FHIT: variants seen among roughly 807,000 people sequenced by gnomAD.
The protein encoded by FHIT is fragile histidine triad diadenosine triphosphatase.
A neutral mutation model predicts 17.9 loss-of-function variants in FHIT; 19 were observed. The observed-to-expected ratio is 1.06, with a 90% CI of 0.74 to 1.56. The LOEUF is 1.56. Ranked by LOEUF, FHIT falls within the 40% of genes most tolerant of loss-of-function variation. FHIT has a pLI of 0.00. For synonymous variants in FHIT, 81 were observed against 69.7 expected (o/e 1.16, Z -0.81); for missense variants, 248 against 189.2 (o/e 1.31, Z -1.82).
chr3:60,272,261 A>G (rs986974959), intron 5 of FHIT, among the ~76,000 whole-genome samples: 6 of 152,236 alleles, frequency 3.9e-5, no homozygotes. Flanking sequence ...TTTAACAAGT[A>G]TGTCTAGAAA....
Position 60,673,574 on chromosome 3 carries a change from T to C in FHIT, c.-17-136595A>G, listed in dbSNP as rs144454787. ...CATCAGGATAAATAGCTAATGCATG[T>C]GTGGCTTAATACCTAGGTGATGGTT... On this transcript the variant is annotated intron_variant, in intron 4 of 9. Coordinates refer to ENST00000492590, the MANE Select transcript of FHIT (RefSeq NM_002012.4). Among the ~76,000 whole-genome samples the C allele has an allele frequency of 2.3e-3, 354 of 152,224 alleles. 1 individual carries two copies. The highest frequency in any genetic ancestry group is 8.0e-3 in the African/African-American group (334 of 41,524).
intron 7 of FHIT, among the ~76,000 whole-genome samples, chr3:59,966,119 C>G (rs1320617614): frequency 1.3e-5 from 2 of 152,160 alleles, no homozygotes; most frequent in African/African-American, 4.8e-5. Context: ...CTTTTTGGAG[C>G]CTGTGAAGAA....
intron 4 of FHIT, among the ~76,000 whole-genome samples, chr3:60,614,819 T>G (rs2038898584): frequency 8.7e-6 from 1 of 114,410 alleles, no homozygotes; most frequent in South Asian, 2.8e-4. Context: ...GTTTTTTTTT[T>G]GTTTTTTTTT....
intron 5 of FHIT, among the ~76,000 whole-genome samples, chr3:60,148,568 G>A (rs1214386726): frequency 6.6e-6 from 1 of 152,098 alleles, no homozygotes; most frequent in African/African-American, 2.4e-5. Flanking sequence ...GATGTGTTAA[G>A]GGAGATTTAC....
intron 3 of FHIT, among the ~76,000 whole-genome samples, chr3:60,842,643 ATATTT>A (rs1559764322): frequency 5.4e-4 from 26 of 48,206 alleles, no homozygotes; most frequent in African/African-American, 1.5e-3. Context: ...ATATATATAT[ATATTT>A]TTTTTTTTTT....
At chr3:61,246,266 A>C (rs1451093009) in intron 1 of FHIT, among the ~76,000 whole-genome samples, 1 of 152,072 alleles carries the variant, frequency 6.6e-6, no homozygotes, top group African/African-American at 2.4e-5. Flanking sequence ...TTATTCCTTT[A>C]CTTTCTTAAT....
At chr3:60,111,870 C>A (rs74970460) in intron 5 of FHIT, among the ~76,000 whole-genome samples, 2 of 152,144 alleles carry the variant, frequency 1.3e-5, no homozygotes, top group Non-Finnish European at 2.9e-5. Context: ...CTAAGAGACA[C>A]CTCAAATTAA....
At chr3:61,049,944 T>G (rs2033964559) in intron 2 of FHIT, among the ~76,000 whole-genome samples, 1 of 152,126 alleles carries the variant, frequency 6.6e-6, no homozygotes, top group Non-Finnish European at 1.5e-5. Flanking sequence ...GAGAAGAAGC[T>G]GAACAAACAG....
intron 8 of FHIT, among the ~76,000 whole-genome samples, chr3:59,763,692 CA>C (rs1701644322): frequency 6.6e-6 from 1 of 152,100 alleles, no homozygotes; most frequent in Non-Finnish European, 1.5e-5. Context: ...CTACCTGAGA[CA>C]ATATGGTCAG....
chr3:60,377,247 G>A (rs569566279), intron 5 of FHIT, among the ~76,000 whole-genome samples: 24 of 150,668 alleles, frequency 1.6e-4, no homozygotes, highest in African/African-American at 3.9e-4. Context: ...GTCCCAGGCC[G>A]GAGTGCAGTG....
intron 3 of FHIT, among the ~76,000 whole-genome samples, chr3:60,963,574 T>G (rs561852989): frequency 1.3e-5 from 2 of 152,328 alleles, no homozygotes; most frequent in African/African-American, 4.8e-5. Context: ...TTTAGTGCTA[T>G]AAATTTCCCT....
chr3:61,031,504 T>A (rs1575872413), intron 3 of FHIT, among the ~76,000 whole-genome samples: 1 of 152,170 alleles, frequency 6.6e-6, no homozygotes, highest in African/African-American at 2.4e-5. Context: ...TTAAATAGTT[T>A]CAATTTTTTC....
At chr3:61,218,550 T>C (rs1209713285) in intron 1 of FHIT, among the ~76,000 whole-genome samples, 2 of 151,778 alleles carry the variant, frequency 1.3e-5, no homozygotes, top group Non-Finnish European at 2.9e-5. Context: ...GTTTGTATAG[T>C]TTTTAAACAG....
chr3:61,162,713 A>G (rs2037732085), intron 2 of FHIT, among the ~76,000 whole-genome samples: 2 of 152,224 alleles, frequency 1.3e-5, no homozygotes, highest in Admixed American at 6.5e-5. Context: ...TCAACTCTGT[A>G]AATTATAGAT....
chr3:61,014,795 A>ATAT (rs1320038721), intron 3 of FHIT, among the ~76,000 whole-genome samples: 17 of 85,448 alleles, frequency 2.0e-4, no homozygotes, highest in Non-Finnish European at 3.5e-4. Context: ...AAAAAAAAAA[A>ATAT]AAAAAAAAAA....
intron 5 of FHIT, among the ~76,000 whole-genome samples, chr3:60,292,545 T>G (rs1422525595): frequency 6.6e-6 from 1 of 152,184 alleles, no homozygotes; most frequent in African/African-American, 2.4e-5. Flanking sequence ...AAGAAAGCCT[T>G]AGAAGCCAGG....
chr3:60,085,626 T>C (rs1239694936), intron 5 of FHIT, among the ~76,000 whole-genome samples: 1 of 152,208 alleles, frequency 6.6e-6, no homozygotes, highest in Non-Finnish European at 1.5e-5. Flanking sequence ...CAGAACCTCA[T>C]ATACAGTATT....
intron 4 of FHIT, among the ~76,000 whole-genome samples, chr3:60,622,150 C>A (rs149331003): frequency 2.0e-5 from 3 of 152,218 alleles, no homozygotes; most frequent in African/African-American, 7.2e-5. Context: ...CCCGGGCAAG[C>A]CTCCATGTCT....
chr3:60,445,598 T>A (rs1000925177), intron 5 of FHIT, among the ~76,000 whole-genome samples: 4 of 152,016 alleles, frequency 2.6e-5, no homozygotes, highest in Non-Finnish European at 5.9e-5. Context: ...GTGTGAACAG[T>A]CTATGTCAAA....
Sources: allele counts gnomAD v4.1 joint callset (sites outside exome capture counted in the v4.1 genomes callset), GRCh38; gene constraint gnomAD v4.1.1; transcripts MANE v1.5; gene names NCBI Gene and HGNC (gene_info 2026-07-23, HGNC 2026-07-21).